CDH8: variants seen among roughly 807,000 people sequenced by gnomAD.
CDH8 encodes the protein cadherin-8.
Under a neutral mutation model 68.1 loss-of-function variants are expected in CDH8, and 17 were observed. The ratio of observed to expected loss-of-function variants is 0.25; its 90% confidence interval spans 0.17 to 0.37. The LOEUF (loss-of-function observed/expected upper bound fraction) is 0.37, where lower values mean the gene tolerates loss of function less well. CDH8 is among the 10% of genes least tolerant of loss of function. The probability of loss-of-function intolerance (pLI) is 1.00; values close to 1 mark genes in which losing one functional copy is unlikely to be tolerated. For synonymous variants in CDH8, 372 were observed against 365.1 expected (o/e 1.02, Z -0.21); for missense variants, 763 against 999.3 (o/e 0.76, Z 3.19).
intron 1 of CDH8, among the ~76,000 whole-genome samples, chr16:62,033,384 T>C (rs1567576851): frequency 6.6e-6 from 1 of 152,224 alleles, no homozygotes; most frequent in Non-Finnish European, 1.5e-5. Flanking sequence ...GCTATTCTAG[T>C]GAAGACTGCT....
At chr16:61,819,778 T>C (rs1962168030) in intron 6 of CDH8, among the ~76,000 whole-genome samples, 1 of 152,062 alleles carries the variant, frequency 6.6e-6, no homozygotes, top group Non-Finnish European at 1.5e-5. Context: ...ATCTACATAA[T>C]GCTGATGAAG....
At chr16:61,769,305 T>G (rs1216925483) in intron 8 of CDH8, among the ~76,000 whole-genome samples, 5 of 151,892 alleles carry the variant, frequency 3.3e-5, no homozygotes, top group African/African-American at 1.2e-4. Flanking sequence ...CCAATATGTT[T>G]CAATTACTCA....
intron 10 of CDH8, among the ~76,000 whole-genome samples, chr16:61,677,933 C>T (rs1211320962): frequency 1.3e-5 from 2 of 151,968 alleles, no homozygotes; most frequent in Admixed American, 1.3e-4. Context: ...CAACACAGAC[C>T]TTAAGTCTGA....
chr16:61,675,298 A>T (rs1360865201), intron 10 of CDH8, among the ~76,000 whole-genome samples: 3 of 152,006 alleles, frequency 2.0e-5, no homozygotes, highest in Non-Finnish European at 4.4e-5. Context: ...TATCCTTTGT[A>T]GGGACATGGA....
chr16:61,973,963 C>G (rs1278217241), intron 2 of CDH8, among the ~76,000 whole-genome samples: 1 of 152,172 alleles, frequency 6.6e-6, no homozygotes, highest in Non-Finnish European at 1.5e-5. Context: ...ATCTAGTGAT[C>G]ACTAACCCTG....
At chr16:61,686,381 T>C (rs1176400299) in intron 10 of CDH8, among the ~76,000 whole-genome samples, 2 of 152,064 alleles carry the variant, frequency 1.3e-5, no homozygotes, top group African/African-American at 4.8e-5. Flanking sequence ...CATTTAGTTT[T>C]GCCTGTGAAA....
chr16:61,953,898 TATATA>T (rs1964937305), intron 2 of CDH8, among the ~76,000 whole-genome samples: 2 of 11,040 alleles, frequency 1.8e-4, no homozygotes, highest in African/African-American at 3.9e-4. Context: ...AAAAACTTTA[TATATA>T]TATATATATA....
At chr16:61,925,168 T>C (rs551535973) in intron 2 of CDH8, among the ~76,000 whole-genome samples, 2 of 152,306 alleles carry the variant, frequency 1.3e-5, no homozygotes, top group South Asian at 4.1e-4. Flanking sequence ...CTTACACTAA[T>C]TGAAAACTGC....
chr16:62,005,082 C>T (rs1032799649), intron 2 of CDH8, among the ~76,000 whole-genome samples: 12 of 152,178 alleles, frequency 7.9e-5, no homozygotes, highest in Non-Finnish European at 1.5e-4. Context: ...TTCCCTATCA[C>T]ATCTCAAGGA....
chr16:61,800,431 C>G (rs767270348), intron 7 of CDH8, among the ~76,000 whole-genome samples: 25 of 152,214 alleles, frequency 1.6e-4, no homozygotes, highest in Admixed American at 3.3e-4. Flanking sequence ...CTACAGTCTA[C>G]ACCCTGTTCC....
At chr16:61,936,103 A>G (rs1039595383) in intron 2 of CDH8, among the ~76,000 whole-genome samples, 4 of 152,202 alleles carry the variant, frequency 2.6e-5, no homozygotes, top group Non-Finnish European at 5.9e-5. Context: ...CTTACCTTAT[A>G]AATGTAAGAA....
chr16:62,019,926 C>A (rs1193363882), intron 2 of CDH8, among the ~76,000 whole-genome samples: 1 of 152,132 alleles, frequency 6.6e-6, no homozygotes, highest in East Asian at 1.9e-4. Flanking sequence ...AGGCAGAGAT[C>A]ACTGTTTTGT....
chr16:61,959,819 CTCTG>C (rs1195490912), intron 2 of CDH8, among the ~76,000 whole-genome samples: 4 of 147,358 alleles, frequency 2.7e-5, no homozygotes, highest in East Asian at 4.0e-4. Flanking sequence ...ATCTCTCTCT[CTCTG>C]TATGTGTGTG....
chr16:61,888,005 C>T (rs927985502), intron 3 of CDH8, among the ~76,000 whole-genome samples: 2 of 151,998 alleles, frequency 1.3e-5, no homozygotes, highest in African/African-American at 4.8e-5. Flanking sequence ...TCTATATTGC[C>T]CTAGTTACTT....
chr16:61,720,795 C>A (rs537635162), intron 9 of CDH8, among the ~76,000 whole-genome samples: 31 of 150,704 alleles, frequency 2.1e-4, no homozygotes, highest in Admixed American at 8.0e-4. Flanking sequence ...TTATATTGAC[C>A]CATTTAGGAA....
chr16:61,824,277 C>A (rs1287075412), intron 5 of CDH8, among the ~76,000 whole-genome samples: 1 of 151,782 alleles, frequency 6.6e-6, no homozygotes, highest in Non-Finnish European at 1.5e-5. Flanking sequence ...TCCTTTTAAG[C>A]TGCACTATTC....
rs1208140625 is a variant in CDH8 at position 61,960,007 on chromosome 16, TATATATATAC to T, written c.253-58544_253-58535del. On this transcript the variant is annotated intron_variant, in intron 2 of 11. Transcript: ENST00000577390. Reference sequence around the variant, plus strand: ...GTGTATATATATATATATATATATATATATATATACACACATACACACACACACACAACAT... The same window carrying T: ...GTGTATATATATATATATATATATATACACATACACACACACACACAACAT... 3.5e-3 allele frequency among the ~76,000 whole-genome samples: 288 copies of T among 83,176 alleles called. 12 individuals are homozygous for T. The highest frequency in any genetic ancestry group is 4.5e-3 in the Admixed American group (41 of 9,146). The allele number at this position is 83,176 out of a possible 152,430, so 54.6% of individuals were successfully genotyped here. A position where few individuals can be genotyped will look rare whatever the true frequency, so the allele number is the denominator to read the frequency against.
chr16:61,721,062 G>A (rs1959213035), intron 9 of CDH8, among the ~76,000 whole-genome samples: 1 of 150,446 alleles, frequency 6.6e-6, no homozygotes, highest in Admixed American at 6.7e-5. Context: ...CTAGTAAATA[G>A]GAAAGATCTG....
chr16:61,787,312 T>C, intron 8 of CDH8, among the ~76,000 whole-genome samples: 1 of 146,990 alleles, frequency 6.8e-6, no homozygotes, highest in Non-Finnish European at 1.5e-5. Context: ...AAAGAAGACA[T>C]TTATGCAGCC....
Sources: gnomAD v4.1 joint callset for allele counts (sites outside exome capture counted in the v4.1 genomes callset) on GRCh38, gnomAD v4.1.1 for gene constraint, MANE v1.5 for transcripts, NCBI Gene and HGNC (gene_info 2026-07-23, HGNC 2026-07-21) for gene names.